RB1CC1: variants seen among roughly 807,000 people sequenced by gnomAD.
RB1CC1 encodes RB1-inducible coiled-coil protein 1.
In RB1CC1, 46 loss-of-function variants were observed where a neutral mutation model predicts 177.5. The observed-to-expected ratio is 0.26, with a 90% CI of 0.20 to 0.33. The LOEUF (loss-of-function observed/expected upper bound fraction) is 0.33, where lower values mean the gene tolerates loss of function less well. Among genes scored for constraint, RB1CC1 ranks in the 10% least tolerant of loss-of-function variants. The pLI, the probability that RB1CC1 is intolerant of heterozygous loss-of-function variation, is 1.00. For missense variants in RB1CC1, 1,703 were observed against 1,816.3 expected (o/e 0.94, Z 1.13); for synonymous variants, 666 against 613.6 (o/e 1.09, Z -1.26).
intron 3 of RB1CC1, 58 bp from the exon 4 acceptor site, chr8:52,684,071 T>C (rs1854021288): frequency 1.0e-5 from 16 of 1,542,766 alleles, no homozygotes; most frequent in Non-Finnish European, 1.4e-5. Context: ...GACTTTATTT[T>C]CCAAGTAGTA....
At chr8:52,660,831 T>G in intron 11 of RB1CC1, 95 bp downstream of exon 11, 2 of 1,147,270 alleles carry the variant, frequency 1.7e-6, no homozygotes, top group East Asian at 5.1e-5. Context: ...CAATGGCAAT[T>G]AACAGCATAT....
intron 16 of RB1CC1, 35 bp from the exon 17 acceptor site, chr8:52,642,847 C>T: frequency 6.8e-7 from 1 of 1,479,506 alleles, no homozygotes; most frequent in Non-Finnish European, 8.9e-7. Context: ...AATTTATCTA[C>T]ATGTACTTAG....
chr8:52,694,356 C>T (rs1198338053), intron 1 of RB1CC1, among the ~76,000 whole-genome samples: 1 of 152,194 alleles, frequency 6.6e-6, no homozygotes, highest in Admixed American at 6.5e-5. Context: ...CCTCTACTCC[C>T]AGGCTCATCC....
Position 52,657,165 on chromosome 8 carries a change from A to C in RB1CC1, c.2664T>G (p.Asn888Lys). 6.2e-7 allele frequency: 1 copy of C among 1,608,436 alleles called. No homozygotes were observed. Among genetic ancestry groups the C allele is most frequent in the Non-Finnish European group, 8.5e-7 (1 of 1,175,906 alleles). Residue 888 changes from asparagine (N) to lysine (K), a missense_variant, in exon 15 of 24, where the codon AAT becomes AAG. Coordinates refer to ENST00000025008, the MANE Select transcript of RB1CC1 (RefSeq NM_014781.5). ...LDGLIKETEE[N>K]ENKIKKLKGE... is the part of the protein sequence containing the mutation. ...CCTTCAATTTTTTAATTTTGTTTTC[A>C]TTCTCTTCAGTTTCCTTTATTAGTC...
At chr8:52,697,157 G>A (rs187052401) in intron 1 of RB1CC1, among the ~76,000 whole-genome samples, 299 of 152,116 alleles carry the variant, frequency 2.0e-3, no homozygotes, top group Non-Finnish European at 3.4e-3. Context: ...ATTTAATCAA[G>A]CAACTATATG....
chr8:52,652,964 G>A (rs1850746896), intron 15 of RB1CC1, among the ~76,000 whole-genome samples: 1 of 152,148 alleles, frequency 6.6e-6, no homozygotes, highest in South Asian at 2.1e-4. Context: ...GGCTGAGGCA[G>A]GAGAATTGCT....
At position 52,656,198 on chromosome 8, in the gene RB1CC1, T is replaced by G; in HGVS notation, c.3631A>C (p.Asn1211His). Residue 1211 changes from asparagine (N) to histidine (H), a missense_variant, in exon 15 of 24, where the codon AAC becomes CAC. By Grantham distance (68) the Asn-to-His change is moderately conservative. Transcript: ENST00000025008. ...AATTTTTGTCTGTCTTTCTCAAGGT[T>G]CTGGATAATAGCTTCGTATTTCTCT... The part of the protein sequence containing the change: ...QEEKYEAIIQ[N>H]LEKDRQKLVS... 6.2e-7 allele frequency: 1 copy of G among 1,613,794 alleles called. No homozygotes were observed. The highest frequency in any genetic ancestry group is 8.5e-7 in the Non-Finnish European group (1 of 1,179,864).
chr8:52,648,025 T>C (rs1850209039), intron 15 of RB1CC1, among the ~76,000 whole-genome samples: 1 of 152,120 alleles, frequency 6.6e-6, no homozygotes, highest in Non-Finnish European at 1.5e-5. Context: ...CATCTTTGGA[T>C]TGCTTGGGGT....
rs1030498117 is a variant in RB1CC1, at chr8:52,645,684, G to C, written c.3987+18C>G. 6 of 1,599,808 alleles carry C rather than the reference G, an allele frequency of 3.8e-6. No individual in the cohort carries two copies. In the Middle Eastern group the frequency reaches 6.8e-4, roughly 180 times the overall value. ...ACCTTCTTTAGTTCTCAAATGAAAT[G>C]GGAAAAGAGATACAGACCTGTTGTT... is the stretch of plus-strand genomic sequence containing the variant. On this transcript the variant is annotated intron_variant, in intron 16 of 23. Coordinates refer to ENST00000025008, the MANE Select transcript of RB1CC1 (RefSeq NM_014781.5).
At position 52,656,716 on chromosome 8, in the gene RB1CC1, T is replaced by C. The variant is rs747758792; in HGVS notation, c.3113A>G (p.Glu1038Gly). 74 of 1,613,706 alleles carry C rather than the reference T, an allele frequency of 4.6e-5. No individual in the cohort carries two copies. The highest frequency in any genetic ancestry group is 6.0e-5 in the Non-Finnish European group (71 of 1,179,888). ...IQESHAEIIQ[E>G]KEKQLQELKL... ...TAATTCCTGTAACTGTTTTTCTTTT[T>C]CCTGGATAATTTCAGCATGAGATTC... Residue 1038 changes from glutamate (E) to glycine (G), a missense_variant, in exon 15 of 24, where the codon GAA (glutamate) becomes GGA (glycine). Transcript: ENST00000025008.
At chr8:52,624,880 C>G in intron 22 of RB1CC1, 93 bp from the exon 23 acceptor site, 1 of 934,360 alleles carries the variant, frequency 1.1e-6, no homozygotes, top group Non-Finnish European at 1.5e-6. Context: ...ACTAAAAAAG[C>G]TCTCATGAGT....
intron 15 of RB1CC1, 132 bp downstream of exon 15, chr8:52,655,876 T>C (rs2150470999): frequency 1.5e-6 from 1 of 680,644 alleles, no homozygotes; most frequent in South Asian, 2.8e-5. Context: ...AAAAAGTAAG[T>C]TTTTACTTCA....
In RB1CC1 at chr8:52,657,896, G is replaced by T; in HGVS notation, c.1933C>A (p.Gln645Lys). The T allele has an allele frequency of 6.2e-7, 1 of 1,613,374 alleles. No individual in the cohort carries two copies. Among genetic ancestry groups the T allele is most frequent in the South Asian group, 1.1e-5 (1 of 91,032 alleles). ...LLSEQKASVS[Q>K]TSPQSASSPR... ...GAAGAAGCAGACTGTGGGGATGTCTGACTCACAGATGCCTGGAAAACAGAA... is the reference window on the plus strand; with the variant it reads ...GAAGAAGCAGACTGTGGGGATGTCTTACTCACAGATGCCTGGAAAACAGAA... The change falls in exon 15 of 24, where the codon CAG becomes AAG. Residue 645 changes from glutamine (Q) to lysine (K), a missense_variant. Coordinates refer to ENST00000025008, the MANE Select transcript of RB1CC1 (RefSeq NM_014781.5).
intron 20 of RB1CC1, among the ~76,000 whole-genome samples, chr8:52,630,959 G>C (rs1346045347): frequency 6.6e-6 from 1 of 152,160 alleles, no homozygotes; most frequent in Non-Finnish European, 1.5e-5. Flanking sequence ...GCTCACAGCC[G>C]TCACAATTGC....
chr8:52,645,339 T>C (rs539645127), intron 16 of RB1CC1, among the ~76,000 whole-genome samples: 7 of 152,320 alleles, frequency 4.6e-5, no homozygotes, highest in African/African-American at 1.4e-4. Flanking sequence ...CATCATTTCA[T>C]AGAAAACTAA....
rs1852860192 is a variant in RB1CC1, at chr8:52,674,145, C to T, written c.702G>A (p.Met234Ile). Residue 234 changes from methionine (M) to isoleucine (I), a missense_variant, in exon 7 of 24, where the codon ATG (methionine) becomes ATA (isoleucine). Around this residue, in one of 6 missense-constraint regions of RB1CC1, gnomAD observed 315 missense variants for 304.9 expected, o/e 1.03. Transcript: ENST00000025008. ...AGAGCACCAGTTCAGTGGATCTTTT[C>T]ATCTCAGCTTTTTCTGAGTCTTCAT... ...PEHEDSEKAE[M>I]KRSTELVLSP... 6.8e-6 allele frequency: 11 copies of T among 1,613,876 alleles called. No homozygotes were observed. Among genetic ancestry groups the T allele is most frequent in the Non-Finnish European group, 8.5e-6 (10 of 1,179,888 alleles).
At chr8:52,688,897 G>A (rs1223481975) in intron 1 of RB1CC1, among the ~76,000 whole-genome samples, 2 of 152,126 alleles carry the variant, frequency 1.3e-5, no homozygotes, top group South Asian at 2.1e-4. Context: ...ATGGAAAATA[G>A]AACCTACAGT....
In RB1CC1 at chr8:52,634,976, T is replaced by A; in HGVS notation, c.4393-8A>T. ...TTCTTTCAATTGCAATGTCTGCAGG[T>A]GGAAAAAAGAGACCTGTGGTTTATC... On this transcript the variant is annotated splice_region_variant and splice_polypyrimidine_tract_variant and intron_variant, in intron 19 of 23. Transcript: ENST00000025008. 6.2e-7 allele frequency: 1 copy of A among 1,604,328 alleles called. No individual in the cohort carries two copies. The highest frequency in any genetic ancestry group is 1.1e-5 in the South Asian group (1 of 89,632).
chr8:52,686,802 T>G, intron 2 of RB1CC1, 51 bp downstream of exon 2: 1 of 357,962 alleles, frequency 2.8e-6, no homozygotes, highest in South Asian at 2.1e-5. Flanking sequence ...GAATCATTAT[T>G]TTAAAGGCAA....
Sources: allele counts gnomAD v4.1 joint callset (sites outside exome capture counted in the v4.1 genomes callset), GRCh38; gene constraint gnomAD v4.1.1; regional missense constraint gnomAD v4.1.1; transcripts MANE v1.5; gene names NCBI Gene and HGNC (gene_info 2026-07-23, HGNC 2026-07-21).